Variants in MAP3K1 observed in about 807,000 individuals in gnomAD.
MAP3K1 encodes the protein mitogen-activated protein kinase kinase kinase 1.
Under a neutral mutation model 144.2 loss-of-function variants are expected in MAP3K1, and 36 were observed. The observed-to-expected ratio is 0.25, with a 90% CI of 0.19 to 0.33. The LOEUF (loss-of-function observed/expected upper bound fraction) is 0.33, where lower values mean the gene tolerates loss of function less well. Among genes scored for constraint, MAP3K1 ranks in the 10% least tolerant of loss-of-function variants. MAP3K1 has a pLI of 1.00. For missense variants in MAP3K1, 1,650 were observed against 1,881.9 expected, an observed-to-expected ratio of 0.88 and a Z score of 2.28; for synonymous variants, 718 against 688.7, an observed-to-expected ratio of 1.04 and a Z score of -0.67.
At chr5:56,884,525 G>T in intron 15 of MAP3K1, 139 bp from the exon 16 acceptor site, 1 of 737,168 alleles carries the variant, frequency 1.4e-6, no homozygotes, top group Non-Finnish European at 2.3e-6. Context: ...AGTTTGACTT[G>T]GGTTTGTTTA....
chr5:56,819,736 T>TTAG (rs1746097779), intron 1 of MAP3K1, among the ~76,000 whole-genome samples: 1 of 152,194 alleles, frequency 6.6e-6, no homozygotes, highest in African/African-American at 2.4e-5. Flanking sequence ...TGCGTGTATA[T>TTAG]TACACCTCTA....
chr5:56,818,692 G>A (rs992111719), intron 1 of MAP3K1, among the ~76,000 whole-genome samples: 1 of 152,000 alleles, frequency 6.6e-6, no homozygotes, highest in African/African-American at 2.4e-5. Flanking sequence ...AAATTACAGT[G>A]TTACTCTCCA....
At position 56,882,657 on chromosome 5, in the gene MAP3K1, G is replaced by C. The variant is rs754969849; in HGVS notation, c.3457G>C (p.Val1153Leu). The C allele has an allele frequency of 6.2e-7, 1 of 1,614,146 alleles. No homozygotes were observed. The highest frequency in any genetic ancestry group is 1.1e-5 in the South Asian group (1 of 91,090). ...TACAACAGTAACTTTTAAGTCAGAAGTTGCTGTCCTGTCTCCTGAAAAGGC... is the reference window on the plus strand; with the variant it reads ...TACAACAGTAACTTTTAAGTCAGAACTTGCTGTCCTGTCTCCTGAAAAGGC... Reference protein sequence around the residue: ...SDTTVTFKSEVAVLSPEKAEN... With the variant: ...SDTTVTFKSELAVLSPEKAEN... The change falls in exon 14 of 20, where the codon GTT becomes CTT. Residue 1153 changes from valine (V) to leucine (L), a missense_variant. Physicochemically the swap from Val to Leu is conservative, Grantham distance 32 (BLOSUM62 1). This residue lies in a region of MAP3K1 where 841 missense variants were observed against 886.5 expected (regional missense o/e 0.95). Coordinates refer to ENST00000399503, the MANE Select transcript of MAP3K1 (RefSeq NM_005921.2).
intron 1 of MAP3K1, among the ~76,000 whole-genome samples, chr5:56,826,805 C>T (rs1224829643): frequency 6.6e-6 from 1 of 152,228 alleles, no homozygotes; most frequent in South Asian, 2.1e-4. Flanking sequence ...GTCCTGCTGT[C>T]ACTCCTGAGG....
Position 56,895,376 on chromosome 5 carries a change from T to G in MAP3K1, c.*1696T>G, listed in dbSNP as rs1748675109. 1 of 231,458 alleles carries G rather than the reference T, an allele frequency of 4.3e-6. No homozygotes were observed. The highest frequency in any genetic ancestry group is 8.5e-6 in the Non-Finnish European group (1 of 117,004). 14.3% of individuals were successfully genotyped at this position (231,458 alleles called of 1,614,324 possible). A position where few individuals can be genotyped will look rare whatever the true frequency, so the allele number is the denominator to read the frequency against. On this transcript the variant is annotated 3_prime_UTR_variant, in exon 20 of 20. Coordinates refer to ENST00000399503, the MANE Select transcript of MAP3K1 (RefSeq NM_005921.2). ...TTTCTTTTTTATTTTGTTTTTTTTT[T>G]TTTTTGACTACTTAGAATTTTCACA...
intron 9 of MAP3K1, among the ~76,000 whole-genome samples, chr5:56,874,422 T>C (rs937839607): frequency 1.3e-5 from 2 of 152,214 alleles, no homozygotes; most frequent in African/African-American, 4.8e-5. Flanking sequence ...ATCCTTTGCT[T>C]ACTCGAACAC....
chr5:56,864,378 CTTT>C (rs11331657), intron 3 of MAP3K1, among the ~76,000 whole-genome samples: 16 of 117,240 alleles, frequency 1.4e-4, no homozygotes, highest in Non-Finnish European at 1.6e-4. Context: ...ATAATAGTTT[CTTT>C]TTTTTTTTTT....
At position 56,815,927 on chromosome 5, in the gene MAP3K1, C is replaced by G. The variant is rs1392646304; in HGVS notation, c.354C>G (p.Ser118Arg). 1 of 1,261,032 alleles carries G rather than the reference C, an allele frequency of 7.9e-7. No homozygotes were observed. The highest frequency in any genetic ancestry group is 1.6e-5 in the African/African-American group (1 of 63,896). The allele number at this position is 1,261,032 out of a possible 1,614,324, so 78.1% of individuals were successfully genotyped here. A position where few individuals can be genotyped will look rare whatever the true frequency, so the allele number is the denominator to read the frequency against. The change falls in exon 1 of 20, where the codon AGC becomes AGG. Residue 118 changes from serine to arginine, a missense_variant. Ser to Arg is a moderately radical substitution (Grantham distance 110, BLOSUM62 -1). This residue lies in a region of MAP3K1 where 360 missense variants were observed against 274.7 expected (regional missense o/e 1.31). Transcript: ENST00000399503. ...TGCCGCCGCCCCACGGAGCCGCGAGCCGCGGCGGCGCCCACCTTACCGAGT... is the reference window on the plus strand; with the variant it reads ...TGCCGCCGCCCCACGGAGCCGCGAGGCGCGGCGGCGCCCACCTTACCGAGT... ...VAVPPPHGAA[S>R]RGGAHLTESV...
chr5:56,848,081 T>TGA (rs1346387403), intron 1 of MAP3K1, among the ~76,000 whole-genome samples: 3 of 142,928 alleles, frequency 2.1e-5, no homozygotes, highest in African/African-American at 7.6e-5. Flanking sequence ...CTTTATAGAC[T>TGA]GAGTCAAAGG....
At chr5:56,872,252 CAT>C (rs1222841821) in intron 7 of MAP3K1, among the ~76,000 whole-genome samples, 3 of 152,074 alleles carry the variant, frequency 2.0e-5, no homozygotes, top group Admixed American at 6.6e-5. Flanking sequence ...GTGTGTGTGA[CAT>C]ATGTGATAAT....
chr5:56,889,994 T>C (rs963109375), intron 19 of MAP3K1, among the ~76,000 whole-genome samples: 5 of 152,164 alleles, frequency 3.3e-5, no homozygotes, highest in African/African-American at 9.7e-5. Flanking sequence ...CAAATTCTTA[T>C]TCTCTTTAAG....
In MAP3K1 at chr5:56,894,304, G is replaced by A. The variant is rs760155224; in HGVS notation, c.*624G>A. ...TTTCGTTTTTGGAAATTATGGTTTT[G>A]TATTTTCATGTTTATTTACATTCAT... On this transcript the variant is annotated 3_prime_UTR_variant, in exon 20 of 20. Transcript: ENST00000399503. 4.3e-6 allele frequency: 1 copy of A among 231,742 alleles called. No homozygotes were observed. The highest frequency in any genetic ancestry group is 8.5e-6 in the Non-Finnish European group (1 of 117,536). The allele number at this position is 231,742 out of a possible 1,614,324, so 14.4% of individuals were successfully genotyped here.
intron 1 of MAP3K1, among the ~76,000 whole-genome samples, chr5:56,854,768 T>A (rs558156291): frequency 2.0e-4 from 30 of 152,114 alleles, no homozygotes; most frequent in African/African-American, 7.2e-4. Context: ...TGAAACAGAT[T>A]TGGGGGAAGA....
At position 56,859,852 on chromosome 5, in the gene MAP3K1, A is replaced by G. The variant is rs144198812; in HGVS notation, c.771A>G (p.Pro257=). ...GRRSPSPGNS[P]SGRTVKSESP... ...GCAGTCCTTCTCCTGGCAACTCCCC[A>G]TCAGGTCGCACAGTGAAATCAGAAT... Residue 257 remains proline (P), a synonymous_variant, in exon 3 of 20, where the codon CCA becomes CCG. Coordinates refer to ENST00000399503, the MANE Select transcript of MAP3K1 (RefSeq NM_005921.2). The G allele has an allele frequency of 5.6e-6, 9 of 1,613,898 alleles. 1 individual carries two copies. In the South Asian group the frequency reaches 7.7e-5, roughly 14 times the overall value.
intron 1 of MAP3K1, among the ~76,000 whole-genome samples, chr5:56,827,573 C>A (rs752984921): frequency 6.6e-6 from 1 of 152,212 alleles, no homozygotes; most frequent in African/African-American, 2.4e-5. Context: ...TGATTAAGAA[C>A]CTGGGCCTTG....
Position 56,856,466 on chromosome 5 carries a change from G to A in MAP3K1, c.483-134G>A, listed in dbSNP as rs553821332. On this transcript the variant is annotated intron_variant, in intron 1 of 19. Transcript: ENST00000399503. ...AATCTTTTCAAGCTTTAAGTCATTT[G>A]GGGTTTTTAGCAGTTATCTTTTTTA... 51 of 734,472 alleles carry A rather than the reference G, an allele frequency of 6.9e-5. No homozygotes were observed. In the East Asian group the frequency reaches 1.2e-3, roughly 17 times the overall value. The allele number at this position is 734,472 out of a possible 1,614,324, so 45.5% of individuals were successfully genotyped here. A position where few individuals can be genotyped will look rare whatever the true frequency, so the allele number is the denominator to read the frequency against.
Position 56,864,805 on chromosome 5 carries a change from G to A in MAP3K1, c.906G>A (p.Glu302=), listed in dbSNP as rs1747626694. ...ATGGCTTCTCACCATATAGCCCTGA[G>A]GAAACAAACCGCCGTGTTAACAAAG... ...SPDGFSPYSP[E]ETNRRVNKVM... is the part of the protein sequence containing the mutation. Residue 302 remains glutamate, a synonymous_variant, in exon 4 of 20, where the codon GAG becomes GAA. Coordinates refer to ENST00000399503, the MANE Select transcript of MAP3K1 (RefSeq NM_005921.2). The A allele has an allele frequency of 1.9e-6, 3 of 1,614,140 alleles. No individual in the cohort carries two copies. Among genetic ancestry groups the A allele is most frequent in the Non-Finnish European group, 2.5e-6 (3 of 1,180,022 alleles).
At chr5:56,867,528 A>G (rs887024590) in intron 6 of MAP3K1, among the ~76,000 whole-genome samples, 1 of 152,182 alleles carries the variant, frequency 6.6e-6, no homozygotes, top group South Asian at 2.1e-4. Context: ...TTAAGGGGCT[A>G]AGAAACACAA....
At position 56,884,924 on chromosome 5, in the gene MAP3K1, A is replaced by G. The variant is rs1748335724; in HGVS notation, c.3982+98A>G. ...TAATTAAAATTTATTTCTATCAAAT[A>G]GTTTGGGTTTCTAAAAACAAATCAC... On this transcript the variant is annotated intron_variant, in intron 16 of 19. Transcript: ENST00000399503. The G allele has an allele frequency of 1.1e-5, 13 of 1,170,742 alleles. No individual in the cohort carries two copies. In the South Asian group the frequency reaches 1.5e-4, roughly 14 times the overall value. The allele number at this position is 1,170,742 out of a possible 1,614,324, so 72.5% of individuals were successfully genotyped here.
Sources: gnomAD v4.1 joint callset for allele counts (sites outside exome capture counted in the v4.1 genomes callset) on GRCh38, gnomAD v4.1.1 for gene constraint, gnomAD v4.1.1 regional missense constraint, MANE v1.5 for transcripts, NCBI Gene and HGNC (gene_info 2026-07-23, HGNC 2026-07-21) for gene names.